TRMT9B: variants seen among roughly 807,000 people sequenced by gnomAD.
TRMT9B encodes tRNA methyltransferase 9B (putative), also known as probable tRNA methyltransferase 9B.
Under a neutral mutation model 11.5 loss-of-function variants are expected in TRMT9B, and 16 were observed. The ratio of observed to expected loss-of-function variants is 1.39; its 90% CI spans 0.94 to 2.11. The LOEUF (loss-of-function observed/expected upper bound fraction) is 2.11. Among genes scored for constraint, TRMT9B ranks in the 30% most tolerant of loss-of-function variants. TRMT9B has a pLI of 0.00. For missense variants in TRMT9B, 941 were observed against 553.8 expected, an observed-to-expected ratio of 1.70 and a Z score of -7.02; for synonymous variants, 274 against 192.4, an observed-to-expected ratio of 1.42 and a Z score of -3.51.
intron 1 of TRMT9B, chr8:12,959,914 A>G (rs1332549438): frequency 6.6e-6 from 1 of 152,212 alleles, no homozygotes; most frequent in Non-Finnish European, 1.5e-5. Flanking sequence ...CTACAGCAGA[A>G]TAGGGAGCTT....
In TRMT9B at chr8:12,950,165, T is replaced by C. The variant is rs144040534; in HGVS notation, c.-200+4199T>C. 1.4e-3 allele frequency among the ~76,000 whole-genome samples: 206 copies of C among 152,250 alleles called. 1 individual carries two copies. Among genetic ancestry groups the C allele is most frequent in the African/African-American group, 4.8e-3 (199 of 41,542 alleles). On this transcript the variant is annotated intron_variant, in intron 1 of 4. Coordinates refer to ENST00000524591, the MANE Select transcript of TRMT9B (RefSeq NM_020844.3). Reference sequence around the variant, plus strand: ...CACCTCACCTAGTCCTTAGCCAATTTTTTATATCTAAATCAGACATTGGAC... The same window carrying C: ...CACCTCACCTAGTCCTTAGCCAATTCTTTATATCTAAATCAGACATTGGAC...
chr8:12,969,545 T>A (rs1803293286), intron 1 of TRMT9B, among the ~76,000 whole-genome samples: 1 of 152,246 alleles, frequency 6.6e-6, no homozygotes, highest in Admixed American at 6.5e-5. Flanking sequence ...ATCTCTAGAT[T>A]ACTTGCAATA....
chr8:12,955,139 C>A (rs1801131251), intron 1 of TRMT9B, among the ~76,000 whole-genome samples: 1 of 152,058 alleles, frequency 6.6e-6, no homozygotes, highest in Admixed American at 6.6e-5. Flanking sequence ...GGTTTAATCC[C>A]CCATCTGGGT....
Position 13,024,198 on chromosome 8 carries a change from G to T in TRMT9B, c.*2154G>T, listed in dbSNP as rs754385736. 1.3e-5 allele frequency: 2 copies of T among 152,774 alleles called. No homozygotes were observed. The highest frequency in any genetic ancestry group is 2.9e-5 in the Non-Finnish European group (2 of 68,024). The allele number at this position is 152,774 out of a possible 1,614,324, so 9.5% of individuals were successfully genotyped here. A position where few individuals can be genotyped will look rare whatever the true frequency, so the allele number is the denominator to read the frequency against. ...AGCTGGGACTACTGGCACCCACCAC[G>T]ACGCCCGGCTGTTTTTTTGTATTTT... On this transcript the variant is annotated 3_prime_UTR_variant, in exon 5 of 5. Transcript: ENST00000524591.
chr8:13,001,105 A>G (rs1295743039), intron 2 of TRMT9B, among the ~76,000 whole-genome samples: 1 of 152,142 alleles, frequency 6.6e-6, no homozygotes, highest in East Asian at 1.9e-4. Context: ...TTCTTTCCCT[A>G]CAGCTACATT....
In TRMT9B at chr8:12,945,856, G is replaced by T. The variant is rs1442172755; in HGVS notation, c.-310G>T. ...AACTTATTCAGTACTTCCATGTGCA[G>T]GGCTCTGGACTAGACTTTCAGGATC... On this transcript the variant is annotated 5_prime_UTR_variant, in exon 1 of 5. The change creates a new upstream start codon in the 5' untranslated region. Transcript: ENST00000524591. 1 of 151,946 alleles carries T rather than the reference G, an allele frequency of 6.6e-6. No homozygotes were observed. The highest frequency in any genetic ancestry group is 1.5e-5 in the Non-Finnish European group (1 of 68,004). 9.4% of individuals were successfully genotyped at this position (151,946 alleles called of 1,614,324 possible).
intron 1 of TRMT9B, among the ~76,000 whole-genome samples, chr8:12,979,849 T>C (rs1332442969): frequency 6.6e-6 from 1 of 152,200 alleles, no homozygotes; most frequent in Admixed American, 6.5e-5. Context: ...GAAAACATTT[T>C]CTGGAATACA....
At chr8:12,978,636 C>A (rs1318476483) in intron 1 of TRMT9B, among the ~76,000 whole-genome samples, 4 of 152,178 alleles carry the variant, frequency 2.6e-5, no homozygotes, top group Admixed American at 6.5e-5. Flanking sequence ...TTCTGTGTCA[C>A]TAACCAGCCA....
At chr8:13,006,693 A>C in intron 3 of TRMT9B, 3 of 1,306,788 alleles carry the variant, frequency 2.3e-6, no homozygotes, top group Non-Finnish European at 2.9e-6. Context: ...TTTGAGATGG[A>C]GTTTCACTCT....
At chr8:12,954,247 A>G (rs1242249982) in intron 1 of TRMT9B, among the ~76,000 whole-genome samples, 1 of 152,214 alleles carries the variant, frequency 6.6e-6, no homozygotes, top group Non-Finnish European at 1.5e-5. Flanking sequence ...AAGAGACCAG[A>G]CCTTATAGTA....
At chr8:12,948,721 G>A (rs867347643) in intron 1 of TRMT9B, among the ~76,000 whole-genome samples, 1 of 152,212 alleles carries the variant, frequency 6.6e-6, no homozygotes, top group African/African-American at 2.4e-5. Flanking sequence ...AGCACTTTGG[G>A]AGGCCAAGGC....
intron 1 of TRMT9B, among the ~76,000 whole-genome samples, chr8:12,967,025 C>A (rs966846669): frequency 3.3e-5 from 5 of 152,132 alleles, no homozygotes; most frequent in African/African-American, 1.2e-4. Flanking sequence ...GTGAATACTC[C>A]CAAGGTGTGG....
Position 13,025,826 on chromosome 8 carries a change from C to T in TRMT9B, c.*3782C>T. The T allele has an allele frequency of 6.0e-6, 1 of 166,958 alleles. No homozygotes were observed. The allele number at this position is 166,958 out of a possible 1,614,324, so 10.3% of individuals were successfully genotyped here. ...AGTGCTAATTCTTATTTCTCGTTTG[C>T]CTTTCTATTTCCTTCCAAATTCTAC... On this transcript the variant is annotated 3_prime_UTR_variant, in exon 5 of 5. Transcript: ENST00000524591.
rs138021133 is a variant in TRMT9B at position 12,993,003 on chromosome 8, G to C, written c.-2+1972G>C. On this transcript the variant is annotated intron_variant, in intron 2 of 4. Transcript: ENST00000524591. ...AGATTTTGGCAGGAGGAAGTGATAGGAGAGCATTGCCGGTGAGAGAGAATA... is the reference window on the plus strand; with the variant it reads ...AGATTTTGGCAGGAGGAAGTGATAGCAGAGCATTGCCGGTGAGAGAGAATA... Among the ~76,000 whole-genome samples, 118 of 152,360 alleles carry C rather than the reference G, an allele frequency of 7.7e-4. 2 individuals carry two copies. Among genetic ancestry groups the C allele is most frequent in the African/African-American group, 2.6e-3 (109 of 41,584 alleles).
intron 2 of TRMT9B, among the ~76,000 whole-genome samples, chr8:13,004,184 T>TA (rs1809989366): frequency 6.6e-6 from 1 of 151,868 alleles, no homozygotes; most frequent in African/African-American, 2.4e-5. Flanking sequence ...CTCACCACTG[T>TA]AGGCTAAAGG....
At chr8:12,967,814 C>A (rs952718471) in intron 1 of TRMT9B, among the ~76,000 whole-genome samples, 7 of 152,212 alleles carry the variant, frequency 4.6e-5, no homozygotes, top group Admixed American at 4.6e-4. Flanking sequence ...GCATTGTTAA[C>A]AGTTTAATTT....
intron 4 of TRMT9B, among the ~76,000 whole-genome samples, chr8:13,019,425 G>A (rs1813396895): frequency 6.6e-6 from 1 of 152,064 alleles, no homozygotes; most frequent in South Asian, 2.1e-4. Context: ...CTGAGTAGCT[G>A]GAACTACAGG....
Position 13,025,359 on chromosome 8 carries a change from ATAC to A in TRMT9B, c.*3316_*3318del, listed in dbSNP as rs1417090881. ...CATGGTGAAACCCCGTCTTTATTAA[ATAC>A]AAAAAATTAGCCAGGTTGGTGGCGC... is the stretch of plus-strand genomic sequence containing the variant. On this transcript the variant is annotated 3_prime_UTR_variant, in exon 5 of 5. Coordinates refer to ENST00000524591, the MANE Select transcript of TRMT9B (RefSeq NM_020844.3). 6.2e-6 allele frequency: 1 copy of A among 162,112 alleles called. No homozygotes were observed. Among genetic ancestry groups the A allele is most frequent in the Non-Finnish European group, 1.5e-5 (1 of 68,210 alleles). The allele number at this position is 162,112 out of a possible 1,614,324, so 10.0% of individuals were successfully genotyped here.
At chr8:12,958,092 C>G (rs1280343863) in intron 1 of TRMT9B, among the ~76,000 whole-genome samples, 2 of 152,018 alleles carry the variant, frequency 1.3e-5, no homozygotes, top group African/African-American at 4.8e-5. Flanking sequence ...GGTTTTTTGT[C>G]CTTTTGTGAT....
Sources: allele counts gnomAD v4.1 joint callset (sites outside exome capture counted in the v4.1 genomes callset), GRCh38; gene constraint gnomAD v4.1.1; transcripts MANE v1.5; gene names NCBI Gene and HGNC (gene_info 2026-07-23, HGNC 2026-07-21).